The following ATL1 variants were observed in gnomAD, a reference collection of about 807,000 sequenced individuals.
The protein encoded by ATL1 is atlastin GTPase 1.
A neutral mutation model predicts 75.5 loss-of-function variants in ATL1; 31 were observed. That is an observed-to-expected ratio of 0.41 (90% CI 0.31 to 0.55). ATL1 has a LOEUF of 0.55. ATL1 is among the 20% of genes least tolerant of loss of function. ATL1 has a pLI of 0.27. For synonymous variants in ATL1, 226 were observed against 233.3 expected, an observed-to-expected ratio of 0.97 and a Z score of 0.28; for missense variants, 405 against 662.6, an observed-to-expected ratio of 0.61 and a Z score of 4.27.
At chr14:50,595,935 G>C (rs894371859) in intron 6 of ATL1, among the ~76,000 whole-genome samples, 3 of 151,870 alleles carry the variant, frequency 2.0e-5, no homozygotes, top group Non-Finnish European at 4.4e-5. Flanking sequence ...TGGGATTACA[G>C]GTGTGAGCCC....
intron 1 of ATL1, among the ~76,000 whole-genome samples, chr14:50,574,929 GTGTGTGTGTATATATA>G (rs2038987493): frequency 1.1e-5 from 1 of 93,470 alleles, no homozygotes; most frequent in Non-Finnish European, 2.0e-5. Flanking sequence ...GTGTGTGTGT[GTGTGTGTGTATATATA>G]TATATATATA....
chr14:50,604,040 A>G (rs903259916), intron 6 of ATL1, among the ~76,000 whole-genome samples: 3 of 152,190 alleles, frequency 2.0e-5, no homozygotes, highest in Non-Finnish European at 2.9e-5. Flanking sequence ...TGTGCCATGC[A>G]CTGTGCTAAG....
chr14:50,553,066 G>A (rs1209216641), intron 1 of ATL1, among the ~76,000 whole-genome samples: 3 of 152,114 alleles, frequency 2.0e-5, no homozygotes, highest in East Asian at 1.9e-4. Context: ...AGGCTGAGGC[G>A]GGTAGATTAC....
In ATL1 at chr14:50,613,297, C is replaced by T. The variant is rs146975855; in HGVS notation, c.669C>T (p.Tyr223=). 1,020 of 1,613,214 alleles carry T rather than the reference C, an allele frequency of 6.3e-4. No homozygotes were observed. Among genetic ancestry groups the T allele is most frequent in the Middle Eastern group, 4.3e-3 (25 of 5,828 alleles). Residue 223 remains tyrosine (Y), a synonymous_variant, in exon 7 of 14, where the codon TAC becomes TAT. Transcript: ENST00000358385. ...TTGTTCGAGACTGGAGTTTCCCATA[C>T]GAATTTTCATATGGAGCCGATGGTG... ...IFLVRDWSFP[Y]EFSYGADGGA...
chr14:50,534,243 C>T (rs1028374753), intron 1 of ATL1, among the ~76,000 whole-genome samples: 1 of 152,074 alleles, frequency 6.6e-6, no homozygotes, highest in Non-Finnish European at 1.5e-5. Context: ...AAAACACTTA[C>T]TATAAAACAA....
chr14:50,612,266 AG>A (rs916940593), intron 6 of ATL1, among the ~76,000 whole-genome samples: 1 of 152,104 alleles, frequency 6.6e-6, no homozygotes, highest in African/African-American at 2.4e-5. Flanking sequence ...TCATGACTGG[AG>A]GGTGGCAGGA....
chr14:50,597,220 CAAAAA>C (rs372066395), intron 6 of ATL1, among the ~76,000 whole-genome samples: 8 of 108,404 alleles, frequency 7.4e-5, no homozygotes, highest in South Asian at 2.8e-4. Flanking sequence ...AAAAAACAAA[CAAAAA>C]AAAAAAAAGA....
intron 1 of ATL1, among the ~76,000 whole-genome samples, chr14:50,570,416 C>T (rs2038944146): frequency 6.6e-6 from 1 of 151,930 alleles, no homozygotes; most frequent in Admixed American, 6.6e-5. Flanking sequence ...CACTCTGTTG[C>T]CCAGGCTAGA....
intron 11 of ATL1, among the ~76,000 whole-genome samples, chr14:50,625,950 G>A (rs1315559710): frequency 6.6e-6 from 1 of 151,860 alleles, no homozygotes; most frequent in East Asian, 1.9e-4. Flanking sequence ...TCGTTTGTGC[G>A]CTATTAATGG....
intron 9 of ATL1, among the ~76,000 whole-genome samples, chr14:50,621,506 A>T (rs1595620098): frequency 6.6e-6 from 1 of 152,302 alleles, no homozygotes; most frequent in African/African-American, 2.4e-5. Context: ...TCTGTTCCAT[A>T]AAGCTTATGA....
upstream of ATL1, chr14:50,560,043 G>T (rs1241048626): frequency 3.3e-6 from 2 of 599,724 alleles, no homozygotes; most frequent in South Asian, 1.9e-5. Flanking sequence ...TGTGACGCTG[G>T]TATCTGTGTG....
intron 1 of ATL1, among the ~76,000 whole-genome samples, chr14:50,564,574 G>A (rs2038883150): frequency 6.9e-6 from 1 of 145,720 alleles, no homozygotes; most frequent in East Asian, 2.1e-4. Flanking sequence ...GCTTGAACCC[G>A]GGAGGCGGAG....
At chr14:50,632,148 A>G (rs1048153492) in intron 13 of ATL1, 81 bp from the exon 14 acceptor site, 1 of 803,262 alleles carries the variant, frequency 1.2e-6, no homozygotes, top group Non-Finnish European at 2.0e-6. Context: ...AATTTTATAC[A>G]GTACGATAAA....
At chr14:50,599,335 T>A (rs1245167457) in intron 6 of ATL1, among the ~76,000 whole-genome samples, 1 of 152,178 alleles carries the variant, frequency 6.6e-6, no homozygotes, top group Non-Finnish European at 1.5e-5. Flanking sequence ...GTCTCACTGA[T>A]AATTAGATAA....
chr14:50,592,928 A>AT (rs1266913131), intron 4 of ATL1, among the ~76,000 whole-genome samples: 2,303 of 106,046 alleles, frequency 0.022, 19 homozygotes, highest in South Asian at 0.045. Context: ...AAAAAAAAAA[A>AT]AATATATATA....
rs1234160143 is a variant in ATL1, at chr14:50,574,971, A to ATATATATATATATATC, written c.35-12855_35-12854insATATATATATCTATAT. Among the ~76,000 whole-genome samples, 38 of 129,578 alleles carry ATATATATATATATATC rather than the reference A, an allele frequency of 2.9e-4. 1 individual carries two copies. Among genetic ancestry groups the ATATATATATATATATC allele is most frequent in the African/African-American group, 1.0e-3 (34 of 33,010 alleles). The allele number at this position is 129,578 out of a possible 152,430, so 85.0% of individuals were successfully genotyped here. On this transcript the variant is annotated intron_variant, in intron 1 of 13. Coordinates refer to ENST00000358385, the MANE Select transcript of ATL1 (RefSeq NM_015915.5). The stretch of plus-strand genomic sequence containing the variant: ...TATATATATATATATATATATATAT[A>ATATATATATATATATC]TATATTAGCTTTTACTAGTTATGAT...
At chr14:50,542,693 A>G (rs897178404) in intron 1 of ATL1, 1 of 151,992 alleles carries the variant, frequency 6.6e-6, no homozygotes, top group African/African-American at 2.4e-5. Context: ...ATAGCCATTT[A>G]GCAGGGGAAG....
chr14:50,591,458 C>T (rs1257598716), intron 3 of ATL1, 77 bp from the exon 4 acceptor site: 1 of 973,538 alleles, frequency 1.0e-6, no homozygotes, highest in Non-Finnish European at 1.6e-6. Context: ...TGCTTTAGTT[C>T]TTATATTAAT....
Position 50,560,365 on chromosome 14 carries a change from G to A in ATL1, c.34+66G>A, listed in dbSNP as rs2038822069. Reference sequence around the variant, plus strand: ...TTCTGGCCCTCCACTTTCTGCTTCTGTGGAGACAGGGAGGGCCAAGGGCTG... The same window carrying A: ...TTCTGGCCCTCCACTTTCTGCTTCTATGGAGACAGGGAGGGCCAAGGGCTG... On this transcript the variant is annotated intron_variant, in intron 1 of 13. Transcript: ENST00000358385. The A allele has an allele frequency of 3.8e-6, 6 of 1,585,740 alleles. No individual in the cohort carries two copies. In the South Asian group the frequency reaches 6.8e-5, roughly 18 times the overall value.
Sources: allele counts gnomAD v4.1 joint callset (sites outside exome capture counted in the v4.1 genomes callset), GRCh38; gene constraint gnomAD v4.1.1; transcripts MANE v1.5; gene names NCBI Gene and HGNC (gene_info 2026-07-23, HGNC 2026-07-21).